FUT9: variants seen among roughly 807,000 people sequenced by gnomAD.
FUT9 encodes the protein 4-galactosyl-N-acetylglucosaminide 3-alpha-L-fucosyltransferase 9.
FUT9 carries 15 observed loss-of-function variants against 29.7 expected under a neutral mutation model. That is an observed-to-expected ratio of 0.51 (90% CI 0.34 to 0.78). The LOEUF is 0.78. Ranked by LOEUF, FUT9 falls within the 30% of genes least tolerant of loss-of-function variation. FUT9 has a pLI of 0.01. For synonymous variants in FUT9, 169 were observed against 153.7 expected (o/e 1.10, Z -0.74); for missense variants, 319 against 425.4 (o/e 0.75, Z 2.20).
intron 1 of FUT9, among the ~76,000 whole-genome samples, chr6:96,027,646 A>G (rs926038618): frequency 5.9e-5 from 9 of 151,708 alleles, no homozygotes; most frequent in African/African-American, 1.9e-4. Context: ...AACAACAAAA[A>G]CATCAACAAA....
chr6:96,180,863 G>A (rs1207191678), intron 2 of FUT9, among the ~76,000 whole-genome samples: 2 of 151,370 alleles, frequency 1.3e-5, no homozygotes, highest in Non-Finnish European at 2.9e-5. Flanking sequence ...TCTATATCTT[G>A]GTTATTGTAA....
intron 2 of FUT9, among the ~76,000 whole-genome samples, chr6:96,127,737 A>C (rs972611109): frequency 1.3e-5 from 2 of 152,096 alleles, no homozygotes; most frequent in South Asian, 4.1e-4. Context: ...GATTGGTATG[A>C]GATGGTATCT....
At chr6:96,168,958 T>A (rs796448511) in intron 2 of FUT9, among the ~76,000 whole-genome samples, 28 of 152,306 alleles carry the variant, frequency 1.8e-4, no homozygotes, top group African/African-American at 6.7e-4. Context: ...CAGGAAAGCA[T>A]GGCATATGGG....
intron 1 of FUT9, among the ~76,000 whole-genome samples, chr6:96,032,758 A>T (rs970689992): frequency 1.8e-4 from 28 of 151,512 alleles, no homozygotes; most frequent in Non-Finnish European, 3.2e-4. Context: ...CTTCATTATT[A>T]TCTCTATCCA....
intron 1 of FUT9, among the ~76,000 whole-genome samples, chr6:96,108,856 T>A: frequency 6.6e-6 from 1 of 152,188 alleles, no homozygotes; most frequent in East Asian, 1.9e-4. Context: ...AGTTCATTTG[T>A]ACACACACAG....
intron 2 of FUT9, among the ~76,000 whole-genome samples, chr6:96,117,333 C>A (rs1044518394): frequency 2.0e-5 from 3 of 152,088 alleles, no homozygotes; most frequent in Admixed American, 6.6e-5. Flanking sequence ...CTAAAATTAA[C>A]CTTGCGTTGC....
intron 1 of FUT9, among the ~76,000 whole-genome samples, chr6:96,019,795 G>C (rs1029880274): frequency 7.9e-5 from 12 of 152,028 alleles, no homozygotes; most frequent in African/African-American, 2.9e-4. Context: ...TTCAGATGTT[G>C]ATTAGAAATA....
chr6:96,066,652 A>G (rs142741452), intron 1 of FUT9, among the ~76,000 whole-genome samples: 10 of 152,246 alleles, frequency 6.6e-5, no homozygotes, highest in African/African-American at 1.9e-4. Flanking sequence ...ACCATAGGCC[A>G]ACTTCCTCAA....
At chr6:96,157,349 C>T (rs4515397) in intron 2 of FUT9, among the ~76,000 whole-genome samples, 61,808 of 151,950 alleles carry the variant, frequency 0.41, 13,778 homozygotes, top group South Asian at 0.7. Context: ...GTATTAAATG[C>T]GGTAAACTGT....
chr6:96,035,930 ATAT>A (rs1770355706), intron 1 of FUT9, among the ~76,000 whole-genome samples: 1 of 55,502 alleles, frequency 1.8e-5, no homozygotes, highest in Non-Finnish European at 3.3e-5. Flanking sequence ...TATTATATTA[ATAT>A]AATATAATAC....
intron 2 of FUT9, among the ~76,000 whole-genome samples, chr6:96,177,330 T>C (rs1044810286): frequency 6.6e-6 from 1 of 152,082 alleles, no homozygotes; most frequent in Non-Finnish European, 1.5e-5. Context: ...ACAAGCCAGC[T>C]AGGATAAAGG....
At chr6:96,200,843 A>G (rs372565660) in intron 2 of FUT9, among the ~76,000 whole-genome samples, 1 of 152,132 alleles carries the variant, frequency 6.6e-6, no homozygotes, top group Non-Finnish European at 1.5e-5. Context: ...AGATTGTCCA[A>G]TTAAATTTAT....
chr6:96,060,026 G>T (rs796836613), intron 1 of FUT9, among the ~76,000 whole-genome samples: 8 of 152,236 alleles, frequency 5.3e-5, no homozygotes, highest in African/African-American at 1.7e-4. Context: ...AAAACACATT[G>T]TGTCTATTAT....
intron 2 of FUT9, among the ~76,000 whole-genome samples, chr6:96,200,134 TAATG>T (rs1035342636): frequency 2.0e-5 from 3 of 152,142 alleles, no homozygotes; most frequent in African/African-American, 7.2e-5. Context: ...AATGGGGATA[TAATG>T]AGTTAATAGG....
chr6:96,180,507 TTTA>T (rs1393811936), intron 2 of FUT9, among the ~76,000 whole-genome samples: 2 of 152,070 alleles, frequency 1.3e-5, no homozygotes, highest in African/African-American at 2.4e-5. Flanking sequence ...GTTTTTTGGT[TTTA>T]TTATTATTTT....
chr6:96,032,207 G>A (rs566863364), intron 1 of FUT9, among the ~76,000 whole-genome samples: 25 of 151,598 alleles, frequency 1.6e-4, no homozygotes, highest in East Asian at 7.8e-4. Context: ...TTTGTTTCCC[G>A]GAGGAGTCGT....
At chr6:96,050,443 T>C (rs138290652) in intron 1 of FUT9, among the ~76,000 whole-genome samples, 216 of 152,370 alleles carry the variant, frequency 1.4e-3, no homozygotes, top group African/African-American at 5.0e-3. Flanking sequence ...GCAACTGCTC[T>C]CTTCATTATC....
At chr6:96,141,766 A>G (rs529173354) in intron 2 of FUT9, among the ~76,000 whole-genome samples, 6 of 152,348 alleles carry the variant, frequency 3.9e-5, no homozygotes, top group Admixed American at 2.6e-4. Context: ...TGTGACAGTG[A>G]TAAGTCAGTC....
intron 2 of FUT9, among the ~76,000 whole-genome samples, chr6:96,168,685 CAG>C (rs754621414): frequency 1.5e-4 from 23 of 152,042 alleles, no homozygotes; most frequent in African/African-American, 3.9e-4. Flanking sequence ...ACAATTAGTT[CAG>C]AGAGTTTTGC....
Sources: gnomAD v4.1 joint callset for allele counts (sites outside exome capture counted in the v4.1 genomes callset) on GRCh38, gnomAD v4.1.1 for gene constraint, MANE v1.5 for transcripts, NCBI Gene and HGNC (gene_info 2026-07-23, HGNC 2026-07-21) for gene names.